The following KCND3 variants were observed in gnomAD, a reference collection of about 807,000 sequenced individuals.
The protein encoded by KCND3 is potassium voltage-gated channel subfamily D member 3.
A neutral mutation model predicts 51.1 loss-of-function variants in KCND3; 9 were observed. That is an observed-to-expected ratio of 0.18 (90% CI 0.11 to 0.31). The LOEUF (loss-of-function observed/expected upper bound fraction) is 0.31. Among genes scored for constraint, KCND3 ranks in the 10% least tolerant of loss-of-function variants. The pLI is 1.00. For missense variants in KCND3, 526 were observed against 903.8 expected (o/e 0.58, Z 5.36); for synonymous variants, 349 against 368.0 (o/e 0.95, Z 0.59).
chr1:111,844,963 A>C (rs1176987696), intron 2 of KCND3, among the ~76,000 whole-genome samples: 1 of 151,790 alleles, frequency 6.6e-6, no homozygotes, highest in Non-Finnish European at 1.5e-5. Context: ...AGACAAACAC[A>C]CCTCTCTTGA....
intron 2 of KCND3, among the ~76,000 whole-genome samples, chr1:111,886,213 C>T (rs999679669): frequency 2.0e-5 from 3 of 152,182 alleles, no homozygotes; most frequent in African/African-American, 7.2e-5. Flanking sequence ...AAACAACAAG[C>T]AGACCCACCA....
rs1286988149 is a variant in KCND3, at chr1:111,770,736, T to C, written c.*5341A>G. 1.3e-5 allele frequency: 2 copies of C among 152,132 alleles called. No individual in the cohort carries two copies. Among genetic ancestry groups the C allele is most frequent in the African/African-American group, 2.4e-5 (1 of 41,436 alleles). The allele number at this position is 152,132 out of a possible 1,614,324, so 9.4% of individuals were successfully genotyped here. On this transcript the variant is annotated 3_prime_UTR_variant, in exon 8 of 8. Coordinates refer to ENST00000302127, the MANE Select transcript of KCND3 (RefSeq NM_001378969.1). Reference sequence around the variant, plus strand: ...GGTACAGCAGTGGCACACGACTCAATACTGTAAATGATATACATGTTTTAA... The same window carrying C: ...GGTACAGCAGTGGCACACGACTCAACACTGTAAATGATATACATGTTTTAA...
At chr1:111,867,003 T>C (rs1194964952) in intron 2 of KCND3, among the ~76,000 whole-genome samples, 1 of 152,214 alleles carries the variant, frequency 6.6e-6, no homozygotes, top group Non-Finnish European at 1.5e-5. Flanking sequence ...ATATTTTTTA[T>C]TGCTTTTAAG....
At chr1:111,798,390 A>G (rs1174001504) in intron 2 of KCND3, among the ~76,000 whole-genome samples, 1 of 152,072 alleles carries the variant, frequency 6.6e-6, no homozygotes, top group Admixed American at 6.5e-5. Flanking sequence ...CAGGCAGAGT[A>G]TTACCTATTC....
chr1:111,881,141 C>A lies in KCND3; in HGVS notation c.1107-94035G>T, dbSNP rs141285528. ...CTCCAGGTCTCTGTTGAGGACATTA[C>A]ATATTTGGCTTGACTCCATCCAGGC... On this transcript the variant is annotated intron_variant, in intron 2 of 7. Transcript: ENST00000302127. 6.5e-3 allele frequency among the ~76,000 whole-genome samples: 984 copies of A among 152,348 alleles called. 13 individuals are homozygous for A. Among genetic ancestry groups the A allele is most frequent in the African/African-American group, 0.022 (923 of 41,592 alleles).
At chr1:111,976,732 G>C (rs953305950) in intron 2 of KCND3, among the ~76,000 whole-genome samples, 1 of 152,226 alleles carries the variant, frequency 6.6e-6, no homozygotes, top group African/African-American at 2.4e-5. Flanking sequence ...TGAGTTTGAA[G>C]GATGATGTGT....
At chr1:111,809,899 G>A (rs1363174481) in intron 2 of KCND3, among the ~76,000 whole-genome samples, 1 of 152,170 alleles carries the variant, frequency 6.6e-6, no homozygotes, top group Non-Finnish European at 1.5e-5. Context: ...TGCCCATCCT[G>A]CTCTAGAAGC....
intron 2 of KCND3, among the ~76,000 whole-genome samples, chr1:111,858,082 C>T (rs2101682728): frequency 6.6e-6 from 1 of 152,304 alleles, no homozygotes; most frequent in African/African-American, 2.4e-5. Context: ...TTCTACATCT[C>T]AGCGAAAGGC....
chr1:111,917,542 A>G lies in KCND3; in HGVS notation c.1106+64079T>C, dbSNP rs1671280555. 2.6e-5 allele frequency among the ~76,000 whole-genome samples: 4 copies of G among 152,122 alleles called. 1 individual carries two copies. In the South Asian group the frequency reaches 8.3e-4, roughly 31 times the overall value. The stretch of plus-strand genomic sequence containing the variant: ...GGAGGTGGTTGTGAGAAAAATGCCT[A>G]CTTGCCTCCGAAGCACCAGACGCTC... On this transcript the variant is annotated intron_variant, in intron 2 of 7. Coordinates refer to ENST00000302127, the MANE Select transcript of KCND3 (RefSeq NM_001378969.1).
intron 2 of KCND3, among the ~76,000 whole-genome samples, chr1:111,968,055 A>C (rs945157802): frequency 6.6e-6 from 1 of 152,180 alleles, no homozygotes; most frequent in African/African-American, 2.4e-5. Flanking sequence ...CTGACCTTAC[A>C]TGGAAATATT....
rs777097802 is a variant in KCND3 at position 111,982,718 on chromosome 1, G to A, written c.9C>T (p.Ala3=). The A allele has an allele frequency of 2.1e-5, 34 of 1,602,582 alleles. No individual in the cohort carries two copies. The highest frequency in any genetic ancestry group is 1.7e-4 in the Middle Eastern group (1 of 6,044). The change falls in exon 2 of 8, where the codon GCC becomes GCT. Residue 3 remains alanine (A), a synonymous_variant. Transcript: ENST00000302127. The surrounding 1 kb of genome is among the most constrained non-coding windows in gnomAD (Gnocchi z 8.5). Reference sequence around the variant, plus strand: ...CAAAAGGCAGCCAGGCCGCAACTCCGGCCGCCATGGTGACTCCAGCTCTTG... The same window carrying A: ...CAAAAGGCAGCCAGGCCGCAACTCCAGCCGCCATGGTGACTCCAGCTCTTG... MA[A]GVAAWLPFAR...
At chr1:111,960,040 A>G (rs72977015) in intron 2 of KCND3, among the ~76,000 whole-genome samples, 2,727 of 146,466 alleles carry the variant, frequency 0.019, 74 homozygotes, top group African/African-American at 0.062. Context: ...TGTGGAAAAA[A>G]AGAAAAAAAA....
intron 2 of KCND3, among the ~76,000 whole-genome samples, chr1:111,964,278 C>T (rs1386916936): frequency 6.6e-6 from 1 of 152,156 alleles, no homozygotes; most frequent in African/African-American, 2.4e-5. Context: ...CCAGCTGGGA[C>T]GCTGAGAGCA....
chr1:111,849,445 G>T (rs1424395931), intron 2 of KCND3, among the ~76,000 whole-genome samples: 1 of 152,340 alleles, frequency 6.6e-6, no homozygotes, highest in East Asian at 1.9e-4. Context: ...TGCTCCCAAG[G>T]ACTCAAGGAA....
chr1:111,874,806 A>G (rs1484874693), intron 2 of KCND3, among the ~76,000 whole-genome samples: 1 of 152,160 alleles, frequency 6.6e-6, no homozygotes, highest in East Asian at 1.9e-4. Flanking sequence ...TGACTGCCAC[A>G]TGGATACAAA....
At chr1:111,843,171 T>C (rs189401532) in intron 2 of KCND3, among the ~76,000 whole-genome samples, 1 of 152,058 alleles carries the variant, frequency 6.6e-6, no homozygotes, top group Admixed American at 6.5e-5. Context: ...GTGGAGTGGA[T>C]GAGAGAATCA....
At position 111,798,354 on chromosome 1, in the gene KCND3, C is replaced by T. The variant is rs1031985157; in HGVS notation, c.1107-11248G>A. ...CTTTCCAGATGCTGTTCAAATGTCA[C>T]CTCCCTGGGCTTTCCCTGACTTCCC... On this transcript the variant is annotated intron_variant, in intron 2 of 7. Transcript: ENST00000302127. 2.0e-5 allele frequency among the ~76,000 whole-genome samples: 3 copies of T among 152,142 alleles called. No homozygotes were observed. In the East Asian group the frequency reaches 5.8e-4, roughly 29 times the overall value.
intron 2 of KCND3, among the ~76,000 whole-genome samples, chr1:111,965,290 G>A (rs1673905100): frequency 6.6e-6 from 1 of 151,946 alleles, no homozygotes; most frequent in Non-Finnish European, 1.5e-5. Context: ...GTGAGAGAAG[G>A]GTCACCTCTG....
intron 2 of KCND3, among the ~76,000 whole-genome samples, chr1:111,869,414 T>C (rs1668735617): frequency 6.6e-6 from 1 of 152,172 alleles, no homozygotes; most frequent in Non-Finnish European, 1.5e-5. Context: ...CTTCACCTTC[T>C]TCCATCCCCA....
Sources: gnomAD v4.1 joint callset for allele counts (sites outside exome capture counted in the v4.1 genomes callset) on GRCh38, gnomAD v4.1.1 for gene constraint, Gnocchi (gnomAD v3.1) non-coding constraint, MANE v1.5 for transcripts, NCBI Gene and HGNC (gene_info 2026-07-23, HGNC 2026-07-21) for gene names.